ERO1B: variants seen among roughly 807,000 people sequenced by gnomAD.
ERO1B encodes endoplasmic reticulum oxidoreductase 1 beta.
Under a neutral mutation model 75.3 loss-of-function variants are expected in ERO1B, and 49 were observed. The observed-to-expected ratio is 0.65, with a 90% confidence interval of 0.52 to 0.83. The LOEUF (loss-of-function observed/expected upper bound fraction) is 0.83. ERO1B is among the 40% of genes least tolerant of loss of function. ERO1B has a pLI of 0.00. For synonymous variants in ERO1B, 191 were observed against 192.9 expected (o/e 0.99, Z 0.08); for missense variants, 512 against 560.1 (o/e 0.91, Z 0.87).
At position 236,226,527 on chromosome 1, in the gene ERO1B, G is replaced by C. The variant is rs1448728584; in HGVS notation, c.806-12C>G. ...CTTACCCCAGGTTTCTAAAGAGAAA[G>C]AGAAATACATTACATTGTTTTAGTA... On this transcript the variant is annotated splice_polypyrimidine_tract_variant and intron_variant, in intron 11 of 15. Coordinates refer to ENST00000354619, the MANE Select transcript of ERO1B (RefSeq NM_019891.4). 6.2e-7 allele frequency: 1 copy of C among 1,606,950 alleles called. No homozygotes were observed. The highest frequency in any genetic ancestry group is 8.5e-7 in the Non-Finnish European group (1 of 1,178,282).
chr1:236,251,826 G>A (rs758009638), intron 4 of ERO1B, among the ~76,000 whole-genome samples: 4 of 152,156 alleles, frequency 2.6e-5, no homozygotes, highest in Non-Finnish European at 5.9e-5. Context: ...ACATTTAATA[G>A]TTGTTCCAGA....
At chr1:236,261,517 T>TC (rs1185276506) in intron 2 of ERO1B, among the ~76,000 whole-genome samples, 1 of 149,890 alleles carries the variant, frequency 6.7e-6, no homozygotes, top group African/African-American at 2.5e-5. Context: ...CAATGAACAA[T>TC]CCCCCCCAAA....
chr1:236,218,919 C>A (rs1664065666), intron 15 of ERO1B, among the ~76,000 whole-genome samples: 1 of 152,102 alleles, frequency 6.6e-6, no homozygotes, highest in South Asian at 2.1e-4. Context: ...TCCCCAAACA[C>A]ACTAATTTGT....
chr1:236,274,256 T>C (rs1665662838), intron 1 of ERO1B, among the ~76,000 whole-genome samples: 1 of 152,202 alleles, frequency 6.6e-6, no homozygotes, highest in Non-Finnish European at 1.5e-5. Context: ...AGTGCTGGGA[T>C]TGCAGGTGTG....
chr1:236,232,891 G>A (rs1433911662), intron 8 of ERO1B, 52 bp from the exon 9 acceptor site: 1 of 1,451,204 alleles, frequency 6.9e-7, no homozygotes, highest in Non-Finnish European at 9.4e-7. Context: ...ACATAGCTCA[G>A]ATCCCAATAC....
intron 2 of ERO1B, among the ~76,000 whole-genome samples, chr1:236,269,135 T>C (rs1385046116): frequency 6.6e-6 from 1 of 152,016 alleles, no homozygotes; most frequent in African/African-American, 2.4e-5. Context: ...CTCAGAAGGC[T>C]GAAGCAGAAG....
intron 10 of ERO1B, among the ~76,000 whole-genome samples, chr1:236,227,758 T>C (rs533586679): frequency 6.6e-6 from 1 of 152,286 alleles, no homozygotes; most frequent in East Asian, 1.9e-4. Context: ...CACTCTCTCT[T>C]TCTGTCCTAT....
intron 3 of ERO1B, among the ~76,000 whole-genome samples, chr1:236,252,899 TTA>T (rs917122681): frequency 2.6e-5 from 4 of 151,988 alleles, no homozygotes; most frequent in Admixed American, 2.6e-4. Flanking sequence ...ATATAATTAA[TTA>T]TGTTAGATAA....
chr1:236,281,670 A>G lies in ERO1B; in HGVS notation c.102+12T>C, dbSNP rs554173775. ...GGCCGGGGGTTCCCGGCCCGCTATCACTCGGGCTTACCTGCGCCTCGACGA... is the reference window on the plus strand; with the variant it reads ...GGCCGGGGGTTCCCGGCCCGCTATCGCTCGGGCTTACCTGCGCCTCGACGA... On this transcript the variant is annotated intron_variant, in intron 1 of 15. Transcript: ENST00000354619. 67 of 1,430,988 alleles carry G rather than the reference A, an allele frequency of 4.7e-5. No individual in the cohort carries two copies. Among genetic ancestry groups the G allele is most frequent in the Non-Finnish European group, 6.0e-5 (65 of 1,086,216 alleles). 88.6% of individuals were successfully genotyped at this position (1,430,988 alleles called of 1,614,324 possible). A position where few individuals can be genotyped will look rare whatever the true frequency, so the allele number is the denominator to read the frequency against.
At chr1:236,281,256 G>A (rs1470316330) in intron 1 of ERO1B, among the ~76,000 whole-genome samples, 2 of 152,018 alleles carry the variant, frequency 1.3e-5, no homozygotes, top group Non-Finnish European at 1.5e-5. Flanking sequence ...TCTGCGGAGT[G>A]CCCCCAACTC....
At chr1:236,270,104 T>C in intron 1 of ERO1B, 110 bp from the exon 2 acceptor site, 1 of 766,148 alleles carries the variant, frequency 1.3e-6, no homozygotes, top group Non-Finnish European at 2.0e-6. Context: ...CGGTACTTGC[T>C]GATTAAGATA....
intron 15 of ERO1B, among the ~76,000 whole-genome samples, chr1:236,219,167 T>A (rs748886888): frequency 1.2e-4 from 18 of 152,172 alleles, no homozygotes; most frequent in Non-Finnish European, 2.2e-4. Context: ...GAAAAATCTT[T>A]AACTATTTGA....
At chr1:236,236,492 A>C in intron 6 of ERO1B, 94 bp from the exon 7 acceptor site, 1 of 1,358,466 alleles carries the variant, frequency 7.4e-7, no homozygotes, top group Non-Finnish European at 1.0e-6. Flanking sequence ...AAAGGTAAGA[A>C]AAATGTCATG....
At chr1:236,261,558 G>T (rs1483903670) in intron 2 of ERO1B, among the ~76,000 whole-genome samples, 1 of 151,980 alleles carries the variant, frequency 6.6e-6, no homozygotes, top group Non-Finnish European at 1.5e-5. Flanking sequence ...GTAACATCAA[G>T]AAATGAAATA....
At chr1:236,235,338 T>C (rs1408617806) in intron 8 of ERO1B, among the ~76,000 whole-genome samples, 1 of 152,226 alleles carries the variant, frequency 6.6e-6, no homozygotes, top group Non-Finnish European at 1.5e-5. Flanking sequence ...GTATGCACAC[T>C]GAAGTCTAGA....
intron 5 of ERO1B, among the ~76,000 whole-genome samples, chr1:236,244,558 T>C (rs187311911): frequency 8.6e-4 from 131 of 152,348 alleles, no homozygotes; most frequent in Middle Eastern, 3.4e-3. Context: ...AGATCTTATG[T>C]TGAAAGTAGT....
intron 6 of ERO1B, among the ~76,000 whole-genome samples, chr1:236,239,809 G>GTGTGTATATATA (rs1553371235): frequency 2.1e-5 from 1 of 47,266 alleles, no homozygotes; most frequent in African/African-American, 4.5e-5. Flanking sequence ...ATATATATGT[G>GTGTGTATATATA]TGTATATATA....
intron 4 of ERO1B, among the ~76,000 whole-genome samples, chr1:236,250,588 T>C (rs1347533474): frequency 1.8e-5 from 1 of 54,666 alleles, no homozygotes; most frequent in African/African-American, 6.5e-5. Context: ...TATATATATA[T>C]ATATATATAT....
chr1:236,236,307 C>G lies in ERO1B; in HGVS notation c.597G>C (p.Trp199Cys). Residue 199 changes from tryptophan (W) to cysteine (C), a missense_variant, in exon 7 of 16, where the codon TGG becomes TGC. Coordinates refer to ENST00000354619, the MANE Select transcript of ERO1B (RefSeq NM_019891.4). ...AACAGTTCTCTTCATAGATGCTGTT[C>G]CACACTCTCCATGCAGAGGTCCCTT... ...GYKGTSAWRV[W>C]NSIYEENCFK... 1 of 1,611,604 alleles carries G rather than the reference C, an allele frequency of 6.2e-7. No homozygotes were observed. The highest frequency in any genetic ancestry group is 8.5e-7 in the Non-Finnish European group (1 of 1,178,790).
Sources: allele counts gnomAD v4.1 joint callset (sites outside exome capture counted in the v4.1 genomes callset), GRCh38; gene constraint gnomAD v4.1.1; transcripts MANE v1.5; gene names NCBI Gene and HGNC (gene_info 2026-07-23, HGNC 2026-07-21).